The following ARL17A variants were observed in gnomAD, a reference collection of about 807,000 sequenced individuals.
ARL17A encodes the protein ADP-ribosylation factor-like 17-like.
At chr17:46,545,376 AG>A (rs2056135198) in intron 3 of ARL17A, among the ~76,000 whole-genome samples, 1 of 135,028 alleles carries the variant, frequency 7.4e-6, no homozygotes, top group Admixed American at 7.2e-5. Flanking sequence ...CCTTGAGCCC[AG>A]GGGGGTTGAG....
chr17:46,500,469 T>A, the ARL17A span, among the ~76,000 whole-genome samples: 1 of 149,614 alleles, frequency 6.7e-6, no homozygotes, highest in Non-Finnish European at 1.5e-5. Flanking sequence ...CATTTGGGAT[T>A]ACTTTAAACA....
Position 46,553,371 on chromosome 17 carries a change from A to T in ARL17A, c.*3985T>A. On this transcript the variant is annotated 3_prime_UTR_variant, in exon 4 of 4. Coordinates refer to ENST00000336125, the MANE Select transcript of ARL17A (RefSeq NM_001113738.2). Reference sequence around the variant, plus strand: ...GGAGACGGTGGTTGTTGTCATAGATAATCTTAATTGCGTTTTCTTCTAAAA... The same window carrying T: ...GGAGACGGTGGTTGTTGTCATAGATTATCTTAATTGCGTTTTCTTCTAAAA... The T allele has an allele frequency of 6.2e-7, 1 of 1,609,454 alleles. No individual in the cohort carries two copies. Among genetic ancestry groups the T allele is most frequent in the East Asian group, 2.2e-5 (1 of 44,752 alleles).
chr17:46,549,204 A>C (rs1567983191), downstream of ARL17A: 1 of 1,611,188 alleles, frequency 6.2e-7, no homozygotes, highest in Non-Finnish European at 8.5e-7. Context: ...ATTCCCCTTC[A>C]CAAGGGGCTT....
downstream of ARL17A, chr17:46,549,376 A>G (rs1394122413): frequency 1.9e-6 from 3 of 1,549,142 alleles, no homozygotes; most frequent in Non-Finnish European, 2.6e-6. Flanking sequence ...AGAAGGAACC[A>G]TCTCTGAAAA....
intron 3 of ARL17A, among the ~76,000 whole-genome samples, chr17:46,545,260 T>C (rs1393039607): frequency 2.1e-5 from 3 of 141,452 alleles, no homozygotes; most frequent in East Asian, 4.1e-4. Flanking sequence ...GGGGAAACTC[T>C]GTCACTACTG....
rs1568007006 is a variant in ARL17A at position 46,576,944 on chromosome 17, TA to T, written c.-17-606del. ...AATTAATTAATTAATTAATTTTTTT[TA>T]AAAAACAAGTACAGAAGCAATGATA... On this transcript the variant is annotated intron_variant, in intron 1 of 3. Coordinates refer to ENST00000336125, the MANE Select transcript of ARL17A (RefSeq NM_001113738.2). Among the ~76,000 whole-genome samples, 2 of 8,904 alleles carry T rather than the reference TA, an allele frequency of 2.2e-4. 1 individual carries two copies. The highest frequency in any genetic ancestry group is 2.5e-4 in the African/African-American group (2 of 8,130). 5.8% of individuals were successfully genotyped at this position (8,904 alleles called of 152,430 possible). A position where few individuals can be genotyped will look rare whatever the true frequency, so the allele number is the denominator to read the frequency against.
At chr17:46,501,285 C>G in the ARL17A span, among the ~76,000 whole-genome samples, 2 of 151,120 alleles carry the variant, frequency 1.3e-5, no homozygotes, top group Non-Finnish European at 2.9e-5. Context: ...ACGCGATTCT[C>G]CTGCCTCAGC....
intron 3 of ARL17A, among the ~76,000 whole-genome samples, chr17:46,518,945 C>CT (rs1259964680): frequency 9.8e-6 from 1 of 101,860 alleles, no homozygotes; most frequent in African/African-American, 3.6e-5. Flanking sequence ...TGGCTCACGC[C>CT]TTTAATCCCA....
the ARL17A span, among the ~76,000 whole-genome samples, chr17:46,502,938 C>A: frequency 1.3e-5 from 2 of 150,474 alleles, no homozygotes; most frequent in African/African-American, 2.5e-5. Flanking sequence ...CATTGCCAGG[C>A]GTGGTGGCTC....
chr17:46,543,860 T>C (rs2055876214), intron 3 of ARL17A, among the ~76,000 whole-genome samples: 1 of 150,056 alleles, frequency 6.7e-6, no homozygotes, highest in Non-Finnish European at 1.5e-5. Context: ...CTCATGCCTG[T>C]AATCCCAGCA....
chr17:46,541,431 T>C (rs1220329434), intron 3 of ARL17A, among the ~76,000 whole-genome samples: 1 of 148,690 alleles, frequency 6.7e-6, no homozygotes, highest in Admixed American at 6.6e-5. Context: ...TTTGTATTTT[T>C]AGTAGAGACA....
chr17:46,525,602 T>TATAATAATAATAATA (rs61094611), downstream of ARL17A, among the ~76,000 whole-genome samples: 2 of 103,284 alleles, frequency 1.9e-5, no homozygotes, highest in African/African-American at 7.0e-5. Context: ...ATAATAATAA[T>TATAATAATAATAATA]ATAATAATAA....
At chr17:46,522,530 C>A (rs1427324433) in intron 3 of ARL17A, among the ~76,000 whole-genome samples, 3 of 92,300 alleles carry the variant, frequency 3.3e-5, no homozygotes, top group Admixed American at 1.0e-4. Flanking sequence ...CTGCAAGGTC[C>A]GCCTCCTGGG....
intron 3 of ARL17A, among the ~76,000 whole-genome samples, chr17:46,541,833 A>T (rs2941982): frequency 4.9e-5 from 7 of 144,212 alleles, no homozygotes; most frequent in Non-Finnish European, 7.9e-5. Context: ...ATAAAAAAGA[A>T]CTCAGCATCT....
intron 3 of ARL17A, among the ~76,000 whole-genome samples, chr17:46,542,142 A>G (rs2145593172): frequency 7.1e-6 from 1 of 141,100 alleles, no homozygotes; most frequent in Middle Eastern, 3.5e-3. Flanking sequence ...AAAGTAAGAA[A>G]TAAAAATGTT....
In ARL17A at chr17:46,552,886, A is replaced by T. The variant is rs1761967135; in HGVS notation, c.*4470T>A. 6.9e-6 allele frequency among the ~76,000 whole-genome samples: 1 copy of T among 144,936 alleles called. No individual in the cohort carries two copies. Among genetic ancestry groups the T allele is most frequent in the East Asian group, 2.0e-4 (1 of 4,958 alleles). On this transcript the variant is annotated 3_prime_UTR_variant, in exon 4 of 4. Transcript: ENST00000336125. ...GGCAGCATAGTGAGACCTTGTCTTTATTAAAAATTAAAAAAAAAAATAGCC... is the reference window on the plus strand; with the variant it reads ...GGCAGCATAGTGAGACCTTGTCTTTTTTAAAAATTAAAAAAAAAAATAGCC...
At chr17:46,539,412 T>C (rs1598430674) in intron 3 of ARL17A, among the ~76,000 whole-genome samples, 1 of 144,818 alleles carries the variant, frequency 6.9e-6, no homozygotes, top group African/African-American at 2.6e-5. Flanking sequence ...AAAGAATTGG[T>C]CCTATTTTTT....
chr17:46,550,719 G>A (rs1280827568), downstream of ARL17A, among the ~76,000 whole-genome samples: 1 of 136,416 alleles, frequency 7.3e-6, no homozygotes, highest in Non-Finnish European at 1.5e-5. Context: ...CTCGCTTTCA[G>A]ATCTCTGTGA....
chr17:46,533,629 G>T (rs71249613), intron 4 of ARL17A, among the ~76,000 whole-genome samples: 19,159 of 68,374 alleles, frequency 0.28, 3,207 homozygotes, highest in East Asian at 0.71. Context: ...AGCCTCCTGA[G>T]TAGCTGGGAC....
Sources: allele counts gnomAD v4.1 joint callset (sites outside exome capture counted in the v4.1 genomes callset), GRCh38; gene constraint gnomAD v4.1.1; transcripts MANE v1.5; gene names NCBI Gene and HGNC (gene_info 2026-07-23, HGNC 2026-07-21).